Variants in ALK observed in about 807,000 individuals in gnomAD.
The protein encoded by ALK is ALK tyrosine kinase receptor.
Under a neutral mutation model 163.1 loss-of-function variants are expected in ALK, and 74 were observed. The ratio of observed to expected loss-of-function variants is 0.45; its 90% CI spans 0.38 to 0.55. ALK has a LOEUF of 0.55. Ranked by LOEUF, ALK falls within the 20% of genes least tolerant of loss-of-function variation. ALK has a pLI of 0.00. For missense variants in ALK, 2,063 were observed against 2,105.3 expected (o/e 0.98, Z 0.39); for synonymous variants, 960 against 843.2 (o/e 1.14, Z -2.40).
At chr2:29,356,627 A>G (rs1668253496) in intron 5 of ALK, among the ~76,000 whole-genome samples, 1 of 152,204 alleles carries the variant, frequency 6.6e-6, no homozygotes, top group Non-Finnish European at 1.5e-5. Flanking sequence ...ATAAATAAGT[A>G]TCTTTCAGAA....
chr2:29,662,828 A>G (rs1369531661), intron 3 of ALK, among the ~76,000 whole-genome samples: 2 of 152,188 alleles, frequency 1.3e-5, no homozygotes, highest in Non-Finnish European at 2.9e-5. Flanking sequence ...CTGCTTTTAT[A>G]ATATCATGTT....
At chr2:29,579,842 C>T (rs527626197) in intron 3 of ALK, among the ~76,000 whole-genome samples, 1 of 152,324 alleles carries the variant, frequency 6.6e-6, no homozygotes, top group African/African-American at 2.4e-5. Flanking sequence ...TAGGAGTCAA[C>T]AGCTTAAGGT....
At chr2:29,487,515 G>C (rs774100724) in intron 4 of ALK, among the ~76,000 whole-genome samples, 1 of 152,302 alleles carries the variant, frequency 6.6e-6, no homozygotes, top group East Asian at 1.9e-4. Context: ...TGTGAAATGA[G>C]AAGCCACCTG....
intron 9 of ALK, among the ~76,000 whole-genome samples, chr2:29,283,657 G>T (rs1398581501): frequency 5.9e-5 from 9 of 152,038 alleles, no homozygotes; most frequent in Admixed American, 5.2e-4. Flanking sequence ...TATAGTTGGT[G>T]GGGCCCTGGG....
intron 4 of ALK, among the ~76,000 whole-genome samples, chr2:29,408,151 T>C (rs1375577156): frequency 6.6e-6 from 1 of 151,162 alleles, no homozygotes; most frequent in Non-Finnish European, 1.5e-5. Flanking sequence ...GGTGCCATCT[T>C]GGCTCACTGC....
intron 1 of ALK, among the ~76,000 whole-genome samples, chr2:29,842,524 C>T (rs1665727170): frequency 6.6e-6 from 1 of 152,182 alleles, no homozygotes; most frequent in Admixed American, 6.5e-5. Flanking sequence ...CACACAGTTA[C>T]CACTTCACTC....
At chr2:29,676,893 T>G (rs186320124) in intron 3 of ALK, among the ~76,000 whole-genome samples, 1 of 152,074 alleles carries the variant, frequency 6.6e-6, no homozygotes, top group Non-Finnish European at 1.5e-5. Context: ...TTTGATGATC[T>G]TGTCAGTGGA....
At chr2:29,491,856 T>A (rs773237326) in intron 4 of ALK, among the ~76,000 whole-genome samples, 4 of 152,200 alleles carry the variant, frequency 2.6e-5, no homozygotes, top group Non-Finnish European at 5.9e-5. Flanking sequence ...CCAGGCCTTC[T>A]CTTCTTCTAA....
At chr2:29,850,905 C>G (rs1245406087) in intron 1 of ALK, among the ~76,000 whole-genome samples, 1 of 152,198 alleles carries the variant, frequency 6.6e-6, no homozygotes, top group Non-Finnish European at 1.5e-5. Flanking sequence ...ACCAGCCCTG[C>G]CCCCGGGGGA....
chr2:29,656,715 G>A (rs552641349), intron 3 of ALK, among the ~76,000 whole-genome samples: 5 of 152,248 alleles, frequency 3.3e-5, no homozygotes, highest in African/African-American at 1.2e-4. Context: ...CTTAAAGCCA[G>A]GTAGTGCACT....
intron 9 of ALK, among the ~76,000 whole-genome samples, chr2:29,280,463 T>A (rs1457858572): frequency 7.0e-6 from 1 of 142,306 alleles, no homozygotes; most frequent in Non-Finnish European, 1.5e-5. Context: ...GACCGGGGGT[T>A]AGTTCTAGTA....
chr2:29,234,820 C>T (rs1451689844), intron 13 of ALK, among the ~76,000 whole-genome samples: 3 of 152,240 alleles, frequency 2.0e-5, no homozygotes, highest in African/African-American at 4.8e-5. Context: ...CCTTGGCCCA[C>T]TGCAACTTCT....
intron 4 of ALK, among the ~76,000 whole-genome samples, chr2:29,393,859 G>T (rs1219532928): frequency 6.6e-6 from 1 of 152,210 alleles, no homozygotes; most frequent in Non-Finnish European, 1.5e-5. Context: ...CTGGTAGCTG[G>T]TGAGTCACCA....
chr2:29,441,803 C>G (rs1244521036), intron 4 of ALK, among the ~76,000 whole-genome samples: 1 of 152,158 alleles, frequency 6.6e-6, no homozygotes, highest in East Asian at 1.9e-4. Context: ...AGGAACAGGA[C>G]TATCCACTGT....
At position 29,478,371 on chromosome 2, in the gene ALK, C is replaced by T. The variant is rs540399319; in HGVS notation, c.1154+53544G>A. Among the ~76,000 whole-genome samples the T allele has an allele frequency of 7.9e-5, 12 of 152,368 alleles. No homozygotes were observed. The South Asian group carries it at 2.3e-3, about 29-fold the overall frequency. ...CTTTGCAGCCCCAGAACAGCCTTCA[C>T]ATCTATTGTCTGCCATGAGCCACAC... On this transcript the variant is annotated intron_variant, in intron 4 of 28. Coordinates refer to ENST00000389048, the MANE Select transcript of ALK (RefSeq NM_004304.5).
chr2:29,533,515 C>T (rs778558770), intron 3 of ALK, among the ~76,000 whole-genome samples: 1 of 147,972 alleles, frequency 6.8e-6, no homozygotes, highest in Non-Finnish European at 1.5e-5. Flanking sequence ...TTTCACTGGC[C>T]CACTGTGTAC....
chr2:29,472,380 G>C (rs1201723491), intron 4 of ALK, among the ~76,000 whole-genome samples: 2 of 152,222 alleles, frequency 1.3e-5, no homozygotes, highest in African/African-American at 4.8e-5. Context: ...CTTTGCCACT[G>C]AGTTTTGGGA....
intron 9 of ALK, among the ~76,000 whole-genome samples, chr2:29,292,252 G>A (rs975584910): frequency 1.3e-5 from 2 of 152,188 alleles, no homozygotes; most frequent in Admixed American, 1.3e-4. Flanking sequence ...AGTGATTTGT[G>A]GGACATGATT....
chr2:29,891,662 G>T (rs1412851567), intron 1 of ALK, among the ~76,000 whole-genome samples: 1 of 152,140 alleles, frequency 6.6e-6, no homozygotes, highest in East Asian at 1.9e-4. Context: ...TTCTGATGCT[G>T]CCTGGGAAAC....
Sources: gnomAD v4.1 joint callset for allele counts (sites outside exome capture counted in the v4.1 genomes callset) on GRCh38, gnomAD v4.1.1 for gene constraint, MANE v1.5 for transcripts, NCBI Gene and HGNC (gene_info 2026-07-23, HGNC 2026-07-21) for gene names.